Variants in ANTXR2 observed in about 807,000 individuals in gnomAD.
The protein encoded by ANTXR2 is ANTXR cell adhesion molecule 2.
Under a neutral mutation model 73.7 loss-of-function variants are expected in ANTXR2, and 44 were observed. That is an observed-to-expected ratio of 0.60 (90% CI 0.47 to 0.77). ANTXR2 has a LOEUF of 0.77. ANTXR2 is among the 30% of genes least tolerant of loss of function. The pLI is 0.00. For synonymous variants in ANTXR2, 217 were observed against 205.9 expected (o/e 1.05, Z -0.46); for missense variants, 604 against 592.5 (o/e 1.02, Z -0.20).
intron 11 of ANTXR2, among the ~76,000 whole-genome samples, chr4:80,015,645 A>G (rs185682216): frequency 7.9e-4 from 120 of 152,120 alleles, no homozygotes; most frequent in African/African-American, 2.8e-3. Flanking sequence ...GAAAAAAAAA[A>G]TCTGCTCACA....
intron 11 of ANTXR2, among the ~76,000 whole-genome samples, chr4:80,013,623 G>A (rs1731701627): frequency 6.6e-6 from 1 of 152,166 alleles, no homozygotes; most frequent in Non-Finnish European, 1.5e-5. Context: ...TTCACCATAT[G>A]CAAATATGCC....
chr4:80,067,676 G>T (rs1304331183), intron 3 of ANTXR2, among the ~76,000 whole-genome samples: 2 of 125,654 alleles, frequency 1.6e-5, no homozygotes, highest in African/African-American at 7.4e-5. Flanking sequence ...CCATGGCTCT[G>T]GCTCCTGATG....
chr4:79,915,845 TC>T (rs1727327586), intron 16 of ANTXR2, among the ~76,000 whole-genome samples: 1 of 121,354 alleles, frequency 8.2e-6, no homozygotes, highest in Non-Finnish European at 1.9e-5. Context: ...TCTCTCTCTC[TC>T]TCTCTCTCTC....
At chr4:79,913,001 T>C (rs1727208482) in intron 16 of ANTXR2, among the ~76,000 whole-genome samples, 1 of 152,200 alleles carries the variant, frequency 6.6e-6, no homozygotes, top group South Asian at 2.1e-4. Context: ...ATTCAAATAT[T>C]TGCTATCTTA....
chr4:80,002,171 T>C (rs1329648781), intron 12 of ANTXR2, among the ~76,000 whole-genome samples: 1 of 152,052 alleles, frequency 6.6e-6, no homozygotes, highest in African/African-American at 2.4e-5. Flanking sequence ...ACTACAAGGG[T>C]ACAGTAACCA....
chr4:80,041,384 C>G (rs1296714317), intron 7 of ANTXR2, among the ~76,000 whole-genome samples: 2 of 151,958 alleles, frequency 1.3e-5, no homozygotes, highest in Non-Finnish European at 2.9e-5. Context: ...CTGGCTTATT[C>G]CTTATCCTCG....
At chr4:79,956,429 C>T (rs1728887780) in intron 16 of ANTXR2, among the ~76,000 whole-genome samples, 2 of 152,006 alleles carry the variant, frequency 1.3e-5, no homozygotes, top group Admixed American at 1.3e-4. Context: ...CATGGAATAA[C>T]GAGCGTTCAC....
chr4:79,955,535 G>T (rs1397492168), intron 16 of ANTXR2, among the ~76,000 whole-genome samples: 1 of 152,006 alleles, frequency 6.6e-6, no homozygotes, highest in Non-Finnish European at 1.5e-5. Flanking sequence ...GAATTATTCT[G>T]TTCAAATATT....
At chr4:79,917,773 CT>C (rs1727414716) in intron 16 of ANTXR2, among the ~76,000 whole-genome samples, 1 of 151,796 alleles carries the variant, frequency 6.6e-6, no homozygotes, top group Non-Finnish European at 1.5e-5. Flanking sequence ...AGACGAGTCT[CT>C]TTTTTAATTC....
chr4:79,963,236 G>A (rs1432573257), intron 16 of ANTXR2, among the ~76,000 whole-genome samples: 1 of 152,062 alleles, frequency 6.6e-6, no homozygotes. Flanking sequence ...AGGACTGAAA[G>A]GCACGAGCAT....
intron 10 of ANTXR2, among the ~76,000 whole-genome samples, chr4:80,019,338 G>A (rs1322608891): frequency 6.6e-6 from 1 of 152,150 alleles, no homozygotes; most frequent in African/African-American, 2.4e-5. Context: ...TTGCACTCCA[G>A]CCCGGGCCGA....
chr4:79,986,670 G>A (rs754583046), intron 12 of ANTXR2, among the ~76,000 whole-genome samples: 63 of 152,170 alleles, frequency 4.1e-4, no homozygotes, highest in Non-Finnish European at 7.6e-4. Context: ...GCACTCTCTG[G>A]TGGCCCCCTA....
intron 12 of ANTXR2, among the ~76,000 whole-genome samples, chr4:79,987,955 G>A (rs933503034): frequency 2.0e-5 from 3 of 151,794 alleles, no homozygotes; most frequent in African/African-American, 4.8e-5. Context: ...GTTTACAAGA[G>A]GTCCTAAAGG....
chr4:80,050,643 C>G (rs72655042), intron 7 of ANTXR2, among the ~76,000 whole-genome samples: 1 of 151,512 alleles, frequency 6.6e-6, no homozygotes, highest in Non-Finnish European at 1.5e-5. Flanking sequence ...ATTACATTGC[C>G]GGACATACCC....
At chr4:80,047,158 C>A (rs1170530065) in intron 7 of ANTXR2, among the ~76,000 whole-genome samples, 1 of 151,536 alleles carries the variant, frequency 6.6e-6, no homozygotes, top group Non-Finnish European at 1.5e-5. Context: ...CTTATTTATT[C>A]AAAGTGGATT....
At chr4:79,925,363 T>G (rs1243136172) in intron 16 of ANTXR2, among the ~76,000 whole-genome samples, 1 of 151,862 alleles carries the variant, frequency 6.6e-6, no homozygotes, top group Non-Finnish European at 1.5e-5. Context: ...CTTGGGCACT[T>G]CTATTTTTAA....
chr4:80,008,015 C>A (rs1731388299), intron 12 of ANTXR2, among the ~76,000 whole-genome samples: 1 of 152,162 alleles, frequency 6.6e-6, no homozygotes. Context: ...ACTGAAACTC[C>A]TCGTCATTAC....
chr4:80,066,006 G>A (rs1219491658), intron 3 of ANTXR2, among the ~76,000 whole-genome samples: 2 of 152,114 alleles, frequency 1.3e-5, no homozygotes, highest in Non-Finnish European at 2.9e-5. Context: ...GGAATCATTT[G>A]TTTACTGATC....
intron 16 of ANTXR2, among the ~76,000 whole-genome samples, chr4:79,936,504 C>T (rs1054139541): frequency 1.3e-5 from 2 of 149,914 alleles, no homozygotes; most frequent in Non-Finnish European, 2.9e-5. Flanking sequence ...TCACATTTTT[C>T]TAATTCTCCA....
Sources: allele counts gnomAD v4.1 joint callset (sites outside exome capture counted in the v4.1 genomes callset), GRCh38; gene constraint gnomAD v4.1.1; transcripts MANE v1.5; gene names NCBI Gene and HGNC (gene_info 2026-07-23, HGNC 2026-07-21).